The following YWHAZ variants were observed in gnomAD, a reference collection of about 807,000 sequenced individuals.
The protein encoded by YWHAZ is 14-3-3 protein zeta/delta.
For missense variants in YWHAZ, 79 were observed against 284.8 expected, an observed-to-expected ratio of 0.28 and a Z score of 5.20; for synonymous variants, 87 against 103.6, an observed-to-expected ratio of 0.84 and a Z score of 0.97.
chr8:100,947,381 G>A (rs1901362), intron 2 of YWHAZ, among the ~76,000 whole-genome samples: 75,943 of 151,906 alleles, frequency 0.5, 19,110 homozygotes, highest in South Asian at 0.63. Flanking sequence ...GATACAAATA[G>A]TAGCTATCAT....
intron 2 of YWHAZ, among the ~76,000 whole-genome samples, chr8:100,934,418 C>T (rs1416652945): frequency 1.3e-5 from 2 of 150,832 alleles, no homozygotes; most frequent in African/African-American, 2.4e-5. Context: ...TGAGGAGGTA[C>T]GGGCTGGTTG....
Position 100,934,157 on chromosome 8 carries a change from CAAAAAAAAAAA to C in YWHAZ, c.295-9129_295-9119del, listed in dbSNP as rs35069019. ...CTGGGCAACAAAGCTAGACTCGTCT[CAAAAAAAAAAA>C]AAAAAAAAAAAAAAAAAATTAGCCT... On this transcript the variant is annotated intron_variant, in intron 2 of 5. Coordinates refer to ENST00000395958, the MANE Select transcript of YWHAZ (RefSeq NM_145690.3). 4.3e-3 allele frequency among the ~76,000 whole-genome samples: 339 copies of C among 78,198 alleles called. 2 individuals are homozygous for C. The highest frequency in any genetic ancestry group is 6.3e-3 in the Non-Finnish European group (258 of 41,140). 51.3% of individuals were successfully genotyped at this position (78,198 alleles called of 152,430 possible).
chr8:100,923,295 A>C (rs552933084), intron 5 of YWHAZ: 3 of 152,368 alleles, frequency 2.0e-5, no homozygotes, highest in Non-Finnish European at 4.4e-5. Flanking sequence ...CTGAAGGAGA[A>C]GAATGAGAAG....
At position 100,918,170 on chromosome 8, in the gene YWHAZ, CTG is replaced by C. The variant is rs968795071; in HGVS notation, c.*2521_*2522del. On this transcript the variant is annotated 3_prime_UTR_variant, in exon 6 of 6. Coordinates refer to ENST00000395958, the MANE Select transcript of YWHAZ (RefSeq NM_145690.3). ...CCAGCCTGGACAACATGGTGAAACCCTGTCTCTACTAAAAACACAAAAATTAG... is the reference window on the plus strand; with the variant it reads ...CCAGCCTGGACAACATGGTGAAACCCTCTCTACTAAAAACACAAAAATTAG... The C allele has an allele frequency of 7.3e-5, 11 of 151,386 alleles. No individual in the cohort carries two copies. Among genetic ancestry groups the C allele is most frequent in the African/African-American group, 2.4e-4 (10 of 41,278 alleles). 9.4% of individuals were successfully genotyped at this position (151,386 alleles called of 1,614,324 possible).
intron 1 of YWHAZ, 63 bp downstream of exon 1, chr8:100,951,866 C>T: frequency 1.0e-6 from 1 of 989,044 alleles, no homozygotes; most frequent in Non-Finnish European, 1.2e-6. Flanking sequence ...AGGACGGCTC[C>T]CACGCGTTCG....
chr8:100,951,685 C>A (rs1181598690), intron 1 of YWHAZ: 2 of 985,346 alleles, frequency 2.0e-6, no homozygotes, highest in Non-Finnish European at 2.4e-6. Context: ...GACGGGGGAG[C>A]GAGCACCGAT....
rs1212693606 is a variant in YWHAZ, at chr8:100,920,019, G to T, written c.*674C>A. 1 of 152,526 alleles carries T rather than the reference G, an allele frequency of 6.6e-6. No individual in the cohort carries two copies. Among genetic ancestry groups the T allele is most frequent in the Non-Finnish European group, 1.5e-5 (1 of 68,036 alleles). 9.4% of individuals were successfully genotyped at this position (152,526 alleles called of 1,614,324 possible). A position where few individuals can be genotyped will look rare whatever the true frequency, so the allele number is the denominator to read the frequency against. ...TTACTTTTACATTTGTTCTTAGGTT[G>T]CCTAAAACATTTAAATACAAATAAA... On this transcript the variant is annotated 3_prime_UTR_variant, in exon 6 of 6. Coordinates refer to ENST00000395958, the MANE Select transcript of YWHAZ (RefSeq NM_145690.3).
intron 2 of YWHAZ, among the ~76,000 whole-genome samples, chr8:100,934,508 C>T (rs1034785084): frequency 6.6e-6 from 1 of 151,962 alleles, no homozygotes; most frequent in African/African-American, 2.4e-5. Flanking sequence ...CGAGACCAGC[C>T]TGGCTAACAT....
intron 2 of YWHAZ, among the ~76,000 whole-genome samples, chr8:100,929,529 G>A (rs774619288): frequency 1.3e-5 from 2 of 152,104 alleles, no homozygotes; most frequent in Non-Finnish European, 2.9e-5. Flanking sequence ...TTTGTGTTAG[G>A]AGCACTGCAA....
rs542294618 is a variant in YWHAZ, at chr8:100,918,544, T to C, written c.*2149A>G. On this transcript the variant is annotated 3_prime_UTR_variant, in exon 6 of 6. Coordinates refer to ENST00000395958, the MANE Select transcript of YWHAZ (RefSeq NM_145690.3). ...GGATTGTTGCCCTAGATGCAGAAGGTATCTTTTCTCCTGGAAATAAAGACC... is the reference window on the plus strand; with the variant it reads ...GGATTGTTGCCCTAGATGCAGAAGGCATCTTTTCTCCTGGAAATAAAGACC... The C allele has an allele frequency of 1.3e-5, 2 of 150,018 alleles. No individual in the cohort carries two copies. The highest frequency in any genetic ancestry group is 4.9e-5 in the African/African-American group (2 of 40,846). The allele number at this position is 150,018 out of a possible 1,614,324, so 9.3% of individuals were successfully genotyped here.
At chr8:100,949,469 CA>C (rs1211434011) in intron 1 of YWHAZ, among the ~76,000 whole-genome samples, 1 of 152,070 alleles carries the variant, frequency 6.6e-6, no homozygotes. Context: ...AACTGCCAGC[CA>C]ATAATAGCAT....
chr8:100,937,046 A>G (rs1363536211), intron 2 of YWHAZ, among the ~76,000 whole-genome samples: 1 of 152,238 alleles, frequency 6.6e-6, no homozygotes, highest in African/African-American at 2.4e-5. Context: ...AAATTTAATT[A>G]AGATTATAGG....
At chr8:100,936,760 TC>T (rs1454914152) in intron 2 of YWHAZ, among the ~76,000 whole-genome samples, 5 of 151,994 alleles carry the variant, frequency 3.3e-5, no homozygotes. Flanking sequence ...CCAGGATAGC[TC>T]GCCACTGAAG....
Position 100,918,888 on chromosome 8 carries a change from A to ATTCC in YWHAZ, c.*1804_*1805insGGAA, listed in dbSNP as rs1269354523. The ATTCC allele has an allele frequency of 1.7e-4, 26 of 152,730 alleles. No homozygotes were observed. The South Asian group carries it at 5.2e-3, about 30-fold the overall frequency. The allele number at this position is 152,730 out of a possible 1,614,324, so 9.5% of individuals were successfully genotyped here. Reference sequence around the variant, plus strand: ...GTGTTTTCTGCAAAGTACTGAGGAAATATTTTGTAAAGTGAGCTTTGGGTA... The same window carrying ATTCC: ...GTGTTTTCTGCAAAGTACTGAGGAAATTCCTATTTTGTAAAGTGAGCTTTGGGTA... On this transcript the variant is annotated 3_prime_UTR_variant, in exon 6 of 6. Transcript: ENST00000395958.
chr8:100,931,852 G>GA (rs2130193562), intron 2 of YWHAZ, among the ~76,000 whole-genome samples: 1 of 151,976 alleles, frequency 6.6e-6, no homozygotes, highest in South Asian at 2.1e-4. Context: ...GTATAACTAG[G>GA]AAAAATGGTG....
At chr8:100,921,582 C>T (rs900407967) in intron 5 of YWHAZ, among the ~76,000 whole-genome samples, 3 of 152,216 alleles carry the variant, frequency 2.0e-5, no homozygotes, top group African/African-American at 7.2e-5. Context: ...GCTTTTCTAA[C>T]ACTTTAAGCT....
chr8:100,930,122 G>C (rs959902226), intron 2 of YWHAZ, among the ~76,000 whole-genome samples: 1 of 152,168 alleles, frequency 6.6e-6, no homozygotes, highest in African/African-American at 2.4e-5. Flanking sequence ...TATTTAGAAC[G>C]AAGTCTCGCT....
rs1586071124 is a variant in YWHAZ, at chr8:100,918,317, T to C, written c.*2376A>G. ...GAGATCGCACCACTGCACTCAAGCC[T>C]GGGTGACAGAGCAAGACTCTTGTCT... On this transcript the variant is annotated 3_prime_UTR_variant, in exon 6 of 6. Transcript: ENST00000395958. The C allele has an allele frequency of 7.5e-6, 1 of 132,674 alleles. No individual in the cohort carries two copies. Among genetic ancestry groups the C allele is most frequent in the Non-Finnish European group, 1.6e-5 (1 of 62,824 alleles). The allele number at this position is 132,674 out of a possible 1,614,324, so 8.2% of individuals were successfully genotyped here. A position where few individuals can be genotyped will look rare whatever the true frequency, so the allele number is the denominator to read the frequency against.
At chr8:100,943,336 TA>T (rs1386693631) in intron 2 of YWHAZ, among the ~76,000 whole-genome samples, 2 of 150,798 alleles carry the variant, frequency 1.3e-5, no homozygotes, top group African/African-American at 4.8e-5. Context: ...CTAAGAAACT[TA>T]TTAGAATTTC....
Sources: gnomAD v4.1 joint callset for allele counts (sites outside exome capture counted in the v4.1 genomes callset) on GRCh38, gnomAD v4.1.1 for gene constraint, MANE v1.5 for transcripts, NCBI Gene and HGNC (gene_info 2026-07-23, HGNC 2026-07-21) for gene names.